RBFOX1: variants seen among roughly 807,000 people sequenced by gnomAD.
The protein encoded by RBFOX1 is RNA binding fox-1 homolog 1.
RBFOX1 carries 8 observed loss-of-function variants against 57.7 expected under a neutral mutation model. The observed-to-expected ratio is 0.14, with a 90% CI of 0.08 to 0.25. The LOEUF is 0.25. RBFOX1 is among the 10% of genes least tolerant of loss of function. RBFOX1 has a pLI of 1.00. For missense variants in RBFOX1, 611 were observed against 548.5 expected, an observed-to-expected ratio of 1.11 and a Z score of -1.14; for synonymous variants, 326 against 222.4, an observed-to-expected ratio of 1.47 and a Z score of -4.15.
rs114455556 is a variant in RBFOX1 at position 6,011,015 on chromosome 16, T to G, written c.351+143680T>G. On this transcript the variant is annotated intron_variant, in intron 4 of 19. Coordinates refer to the RBFOX1 transcript ENST00000641259. ...ACCAGTAACCACTGCAAATGCATAC[T>G]CTTCTTTGTAAGGTTGCATATTTCA... Among the ~76,000 whole-genome samples the G allele has an allele frequency of 1.9e-3, 291 of 152,338 alleles. 1 individual carries two copies. Among genetic ancestry groups the G allele is most frequent in the African/African-American group, 6.8e-3 (284 of 41,572 alleles).
At chr16:5,957,939 C>G (rs943132677) in intron 4 of RBFOX1, among the ~76,000 whole-genome samples, 1 of 152,116 alleles carries the variant, frequency 6.6e-6, no homozygotes, top group African/African-American at 2.4e-5. Context: ...TACCCGTTAA[C>G]CATCCCCACC....
In RBFOX1 at chr16:6,792,439, A is replaced by T. The variant is rs1433667446; in HGVS notation, c.-16+137789A>T. Among the ~76,000 whole-genome samples, 4 of 152,164 alleles carry T rather than the reference A, an allele frequency of 2.6e-5. No individual in the cohort carries two copies. The South Asian group carries it at 6.2e-4, about 24-fold the overall frequency. ...AGATTTAAATATATAATTAAAGGTC[A>T]ACCTGTTCATACCTTCCAGAAAGAC... is the stretch of plus-strand genomic sequence containing the variant. On this transcript the variant is annotated intron_variant, in intron 3 of 15. Coordinates refer to ENST00000550418, the MANE Select transcript of RBFOX1 (RefSeq NM_018723.4).
At chr16:6,920,490 C>T (rs1351020025) in intron 3 of RBFOX1, among the ~76,000 whole-genome samples, 1 of 152,154 alleles carries the variant, frequency 6.6e-6, no homozygotes, top group Non-Finnish European at 1.5e-5. Flanking sequence ...AGCACCGAGT[C>T]CACAGAGGCT....
At chr16:5,425,689 G>C (rs1376586874) in intron 1 of RBFOX1, among the ~76,000 whole-genome samples, 1 of 152,186 alleles carries the variant, frequency 6.6e-6, no homozygotes, top group African/African-American at 2.4e-5. Flanking sequence ...GGTGGTGCAG[G>C]GGCAGGGGAG....
At chr16:7,214,520 G>A (rs530201008) in intron 4 of RBFOX1, among the ~76,000 whole-genome samples, 68 of 151,912 alleles carry the variant, frequency 4.5e-4, no homozygotes, top group African/African-American at 1.5e-3. Flanking sequence ...AACCTCATCC[G>A]TCTCTCAGAC....
At chr16:5,932,857 C>G (rs982727644) in intron 4 of RBFOX1, among the ~76,000 whole-genome samples, 4 of 152,298 alleles carry the variant, frequency 2.6e-5, no homozygotes, top group African/African-American at 9.6e-5. Context: ...CCGCCACTCC[C>G]TGCTCCCATA....
chr16:6,778,572 A>G (rs1168366078), intron 3 of RBFOX1, among the ~76,000 whole-genome samples: 1 of 152,158 alleles, frequency 6.6e-6, no homozygotes, highest in Non-Finnish European at 1.5e-5. Flanking sequence ...ACATATTTAT[A>G]AAGTTTCCTT....
At chr16:5,487,611 C>A (rs2042672471) in intron 2 of RBFOX1, among the ~76,000 whole-genome samples, 1 of 152,098 alleles carries the variant, frequency 6.6e-6, no homozygotes, top group South Asian at 2.1e-4. Flanking sequence ...TATTTCTATC[C>A]CTGGGATGCT....
intron 4 of RBFOX1, among the ~76,000 whole-genome samples, chr16:7,262,967 C>G (rs978569101): frequency 6.6e-6 from 1 of 152,182 alleles, no homozygotes; most frequent in African/African-American, 2.4e-5. Context: ...GGGACCTCCA[C>G]TTACTCTAGG....
chr16:7,409,007 A>C (rs8051359), intron 4 of RBFOX1, among the ~76,000 whole-genome samples: 137,889 of 152,248 alleles, frequency 0.91, 62,524 homozygotes, highest in South Asian at 0.96. Context: ...TTCTTCCCCT[A>C]CTTTCTCCTG....
At chr16:7,600,282 C>T (rs972927981) in intron 9 of RBFOX1, among the ~76,000 whole-genome samples, 5 of 152,162 alleles carry the variant, frequency 3.3e-5, no homozygotes, top group African/African-American at 1.2e-4. Context: ...TTATTTAAAA[C>T]ACAAATGTCA....
intron 4 of RBFOX1, among the ~76,000 whole-genome samples, chr16:7,068,520 G>A (rs1230930582): frequency 2.0e-5 from 3 of 152,164 alleles, no homozygotes; most frequent in South Asian, 4.1e-4. Context: ...AAGTCCAGCT[G>A]TTACAAAAGA....
intron 3 of RBFOX1, among the ~76,000 whole-genome samples, chr16:5,857,255 A>G (rs879095768): frequency 6.6e-6 from 1 of 152,170 alleles, no homozygotes; most frequent in Non-Finnish European, 1.5e-5. Context: ...CTCCCATCCT[A>G]TGGGAGAAGT....
intron 3 of RBFOX1, among the ~76,000 whole-genome samples, chr16:5,636,170 A>C (rs941562934): frequency 2.0e-5 from 3 of 152,176 alleles, no homozygotes; most frequent in South Asian, 4.2e-4. Context: ...CAACATGGTG[A>C]AACCCCATCT....
At chr16:6,314,019 A>T (rs1217007817) in intron 1 of RBFOX1, among the ~76,000 whole-genome samples, 1 of 152,122 alleles carries the variant, frequency 6.6e-6, no homozygotes, top group African/African-American at 2.4e-5. Context: ...GGGCTATAAA[A>T]TTCATTTCAA....
chr16:5,813,153 G>A (rs758496918), intron 3 of RBFOX1, among the ~76,000 whole-genome samples: 2 of 151,934 alleles, frequency 1.3e-5, no homozygotes, highest in African/African-American at 2.4e-5. Flanking sequence ...AATTACAGGC[G>A]CATGCCACCG....
At chr16:7,367,304 A>G (rs1261411329) in intron 4 of RBFOX1, among the ~76,000 whole-genome samples, 2 of 152,194 alleles carry the variant, frequency 1.3e-5, no homozygotes, top group African/African-American at 4.8e-5. Flanking sequence ...GTTTGTAGTC[A>G]TCATCATGTT....
At chr16:6,658,815 G>A (rs561702538) in intron 3 of RBFOX1, among the ~76,000 whole-genome samples, 1 of 152,060 alleles carries the variant, frequency 6.6e-6, no homozygotes, top group African/African-American at 2.4e-5. Context: ...ATGGTTCCTG[G>A]CCATTGCTTA....
chr16:5,410,674 G>T lies in RBFOX1; in HGVS notation c.220-56542G>T, dbSNP rs549239491. Reference sequence around the variant, plus strand: ...CTTCCATTCTAAGCTCCGTGTTCCTGTCAAACAAAATCTATATATGGACTT... The same window carrying T: ...CTTCCATTCTAAGCTCCGTGTTCCTTTCAAACAAAATCTATATATGGACTT... On this transcript the variant is annotated intron_variant, in intron 1 of 2. Transcript: ENST00000585867. 2.0e-5 allele frequency among the ~76,000 whole-genome samples: 3 copies of T among 152,302 alleles called. No homozygotes were observed. In the South Asian group the frequency reaches 6.2e-4, roughly 32 times the overall value.
Sources: gnomAD v4.1 joint callset for allele counts (sites outside exome capture counted in the v4.1 genomes callset) on GRCh38, gnomAD v4.1.1 for gene constraint, MANE v1.5 for transcripts, NCBI Gene and HGNC (gene_info 2026-07-23, HGNC 2026-07-21) for gene names.